Variants in CCSER1 observed in about 807,000 individuals in gnomAD.
CCSER1 encodes coiled-coil serine rich protein 1, also known as serine-rich coiled-coil domain-containing protein 1.
CCSER1 carries 41 observed loss-of-function variants against 82.0 expected under a neutral mutation model. The ratio of observed to expected loss-of-function variants is 0.50; its 90% CI spans 0.39 to 0.65. CCSER1 has a LOEUF of 0.65. Among genes scored for constraint, CCSER1 ranks in the 30% least tolerant of loss-of-function variants. The probability of loss-of-function intolerance (pLI) is 0.00; values close to 1 mark genes in which losing one functional copy is unlikely to be tolerated. For synonymous variants in CCSER1, 414 were observed against 383.9 expected, an observed-to-expected ratio of 1.08 and a Z score of -0.92; for missense variants, 1,119 against 1,064.2, an observed-to-expected ratio of 1.05 and a Z score of -0.72.
chr4:91,537,330 A>G (rs1761347469), intron 10 of CCSER1, among the ~76,000 whole-genome samples: 2 of 152,104 alleles, frequency 1.3e-5, no homozygotes, highest in African/African-American at 2.4e-5. Context: ...GTACTTCACT[A>G]TATACATTTG....
At chr4:90,532,590 C>T (rs1344465010) in intron 5 of CCSER1, among the ~76,000 whole-genome samples, 1 of 151,960 alleles carries the variant, frequency 6.6e-6, no homozygotes, top group African/African-American at 2.4e-5. Flanking sequence ...GCCTGGTGCA[C>T]GTTTGCTGTT....
At chr4:91,521,028 G>A (rs574740895) in intron 10 of CCSER1, among the ~76,000 whole-genome samples, 26 of 151,956 alleles carry the variant, frequency 1.7e-4, no homozygotes, top group African/African-American at 5.5e-4. Flanking sequence ...CTAGCTATCC[G>A]TCCCCCAGAC....
intron 10 of CCSER1, among the ~76,000 whole-genome samples, chr4:91,426,137 GT>G (rs1471781756): frequency 2.6e-5 from 4 of 152,060 alleles, no homozygotes; most frequent in African/African-American, 9.7e-5. Context: ...CACATGCGGT[GT>G]TTGGTTTTCT....
intron 10 of CCSER1, among the ~76,000 whole-genome samples, chr4:91,219,569 C>G (rs1343152670): frequency 6.6e-6 from 1 of 152,032 alleles, no homozygotes; most frequent in Non-Finnish European, 1.5e-5. Context: ...TCCCAGAGTT[C>G]TGGGATTACA....
At chr4:90,943,777 T>G (rs543213310) in intron 9 of CCSER1, among the ~76,000 whole-genome samples, 1 of 135,194 alleles carries the variant, frequency 7.4e-6, no homozygotes, top group South Asian at 2.5e-4. Flanking sequence ...GGTCTCACTA[T>G]GTTGCCTAGG....
At chr4:90,448,476 TA>T (rs1560533113) in intron 4 of CCSER1, among the ~76,000 whole-genome samples, 90 of 138,586 alleles carry the variant, frequency 6.5e-4, no homozygotes, top group African/African-American at 2.3e-3. Flanking sequence ...TATATATATA[TA>T]TATATATAGC....
chr4:91,560,188 G>A (rs557591070), intron 10 of CCSER1, among the ~76,000 whole-genome samples: 2 of 151,400 alleles, frequency 1.3e-5, no homozygotes, highest in East Asian at 1.9e-4. Context: ...TACATAATGT[G>A]GTAGTTAGAT....
intron 1 of CCSER1, among the ~76,000 whole-genome samples, chr4:90,152,364 A>G (rs531381902): frequency 6.6e-6 from 1 of 152,336 alleles, no homozygotes; most frequent in Non-Finnish European, 1.5e-5. Context: ...ACCTGAGGCC[A>G]GGATGAAGGA....
At chr4:91,155,486 CAAG>C (rs1730721453) in intron 10 of CCSER1, among the ~76,000 whole-genome samples, 1 of 151,770 alleles carries the variant, frequency 6.6e-6, no homozygotes, top group Non-Finnish European at 1.5e-5. Context: ...TACAAGATAT[CAAG>C]AAGAACTTTG....
At chr4:91,451,713 A>T (rs1755879366) in intron 10 of CCSER1, among the ~76,000 whole-genome samples, 1 of 152,050 alleles carries the variant, frequency 6.6e-6, no homozygotes, top group Non-Finnish European at 1.5e-5. Context: ...TAAAGCTGAA[A>T]AATACAATGT....
chr4:90,315,255 G>A (rs2153482899), intron 3 of CCSER1, among the ~76,000 whole-genome samples: 1 of 152,246 alleles, frequency 6.6e-6, no homozygotes, highest in East Asian at 1.9e-4. Flanking sequence ...ATTATAGTCT[G>A]TCCACTAGAT....
chr4:90,455,987 T>A (rs1232087940), intron 4 of CCSER1, among the ~76,000 whole-genome samples: 6 of 152,098 alleles, frequency 3.9e-5, no homozygotes, highest in Non-Finnish European at 8.8e-5. Flanking sequence ...ACCCATTAAA[T>A]TAGTGGCCTC....
intron 1 of CCSER1, among the ~76,000 whole-genome samples, chr4:90,274,375 C>G (rs541859449): frequency 6.6e-5 from 10 of 152,146 alleles, no homozygotes; most frequent in African/African-American, 2.4e-4. Context: ...TACTGAATAA[C>G]ATTTTACATG....
chr4:91,506,244 G>C (rs1417596255), intron 10 of CCSER1, among the ~76,000 whole-genome samples: 1 of 152,144 alleles, frequency 6.6e-6, no homozygotes, highest in Non-Finnish European at 1.5e-5. Context: ...GATGGTTGTA[G>C]ATGTGCCATC....
chr4:90,532,002 A>G (rs957883588), intron 5 of CCSER1, among the ~76,000 whole-genome samples: 1 of 151,874 alleles, frequency 6.6e-6, no homozygotes, highest in African/African-American at 2.4e-5. Context: ...TGATTTTAAG[A>G]GTATATATAT....
At chr4:91,378,044 A>C (rs950693754) in intron 10 of CCSER1, among the ~76,000 whole-genome samples, 1 of 152,188 alleles carries the variant, frequency 6.6e-6, no homozygotes, top group African/African-American at 2.4e-5. Flanking sequence ...AGATTTGTCA[A>C]AGATCAGATG....
At position 91,211,553 on chromosome 4, in the gene CCSER1, TA is replaced by T. The variant is rs554755295; in HGVS notation, c.2217+125564del. Among the ~76,000 whole-genome samples the T allele has an allele frequency of 6.6e-5, 10 of 152,232 alleles. No homozygotes were observed. In the South Asian group the frequency reaches 1.9e-3, roughly 28 times the overall value. The stretch of plus-strand genomic sequence containing the variant: ...ATGAGTTATAGGACTATGTCTTTTA[TA>T]AAAACCTTGACAATTTTATTACAGT... On this transcript the variant is annotated intron_variant, in intron 10 of 10. Coordinates refer to ENST00000509176, the MANE Select transcript of CCSER1 (RefSeq NM_001145065.2).
At chr4:90,460,357 A>G (rs1178184228) in intron 4 of CCSER1, among the ~76,000 whole-genome samples, 2 of 149,938 alleles carry the variant, frequency 1.3e-5, no homozygotes, top group African/African-American at 2.5e-5. Context: ...TAAGGCAAGA[A>G]AAAAACTGAG....
intron 6 of CCSER1, among the ~76,000 whole-genome samples, chr4:90,667,655 C>T (rs1732051809): frequency 6.6e-6 from 1 of 152,118 alleles, no homozygotes; most frequent in Admixed American, 6.6e-5. Context: ...ATCCATGTCC[C>T]TGCAAAGAAC....
Sources: gnomAD v4.1 joint callset for allele counts (sites outside exome capture counted in the v4.1 genomes callset) on GRCh38, gnomAD v4.1.1 for gene constraint, MANE v1.5 for transcripts, NCBI Gene and HGNC (gene_info 2026-07-23, HGNC 2026-07-21) for gene names.